Variants in TRIM2 observed in about 807,000 individuals in gnomAD.
TRIM2 encodes tripartite motif containing 2, also known as tripartite motif-containing protein 2.
TRIM2 carries 20 observed loss-of-function variants against 75.2 expected under a neutral mutation model. The ratio of observed to expected loss-of-function variants is 0.27; its 90% CI spans 0.19 to 0.39. TRIM2 has a LOEUF of 0.39. TRIM2 is among the 10% of genes least tolerant of loss of function. TRIM2 has a pLI of 1.00. For synonymous variants in TRIM2, 373 were observed against 388.3 expected, an observed-to-expected ratio of 0.96 and a Z score of 0.46; for missense variants, 660 against 990.8, an observed-to-expected ratio of 0.67 and a Z score of 4.48.
intron 1 of TRIM2, among the ~76,000 whole-genome samples, chr4:153,239,090 C>A (rs982174670): frequency 6.6e-6 from 1 of 152,138 alleles, no homozygotes; most frequent in African/African-American, 2.4e-5. Context: ...TGGTGGCTCA[C>A]GCCTGTAATC....
At chr4:153,200,736 T>A (rs1204191133), upstream of TRIM2, among the ~76,000 whole-genome samples, 47 of 146,278 alleles carry the variant, frequency 3.2e-4, no homozygotes, top group African/African-American at 1.1e-3. Context: ...TATATATATA[T>A]ATATATATAT....
At chr4:153,239,923 G>A (rs1321228994) in intron 1 of TRIM2, among the ~76,000 whole-genome samples, 1 of 150,670 alleles carries the variant, frequency 6.6e-6, no homozygotes, top group African/African-American at 2.5e-5. Context: ...CGCCTCCTGG[G>A]AGGCAGGCTC....
intron 1 of TRIM2, among the ~76,000 whole-genome samples, chr4:153,262,192 A>G (rs2149991837): frequency 6.6e-6 from 1 of 152,346 alleles, no homozygotes. Context: ...GTATTGCAAT[A>G]GAGAAAGAGT....
intron 1 of TRIM2, among the ~76,000 whole-genome samples, chr4:153,251,245 T>A (rs1750802750): frequency 6.6e-6 from 1 of 152,236 alleles, no homozygotes; most frequent in Non-Finnish European, 1.5e-5. Flanking sequence ...TCACCAGGGC[T>A]ACTGCCAGTA....
intron 1 of TRIM2, among the ~76,000 whole-genome samples, chr4:153,245,501 TG>T (rs1431139880): frequency 6.6e-6 from 1 of 152,260 alleles, no homozygotes; most frequent in Admixed American, 6.5e-5. Context: ...GGCCTGTTTT[TG>T]TACAACCAGT....
At chr4:153,328,959 T>C (rs755130636) in intron 11 of TRIM2, among the ~76,000 whole-genome samples, 2 of 152,218 alleles carry the variant, frequency 1.3e-5, no homozygotes, top group Admixed American at 6.5e-5. Flanking sequence ...ATTATATTTA[T>C]GAACCTCTGG....
chr4:153,294,072 A>C (rs1214064863), intron 4 of TRIM2, among the ~76,000 whole-genome samples: 1 of 152,198 alleles, frequency 6.6e-6, no homozygotes, highest in Non-Finnish European at 1.5e-5. Flanking sequence ...TAATTATTAA[A>C]ATTGGACAAT....
intron 3 of TRIM2, among the ~76,000 whole-genome samples, chr4:153,286,044 A>G (rs1350356828): frequency 1.3e-5 from 2 of 152,134 alleles, no homozygotes; most frequent in Non-Finnish European, 2.9e-5. Flanking sequence ...GCATGAAAAG[A>G]TATTGGATTT....
At chr4:153,255,136 A>G (rs1366866336) in intron 1 of TRIM2, among the ~76,000 whole-genome samples, 1 of 151,990 alleles carries the variant, frequency 6.6e-6, no homozygotes, top group African/African-American at 2.4e-5. Flanking sequence ...TTACTAATCC[A>G]TCTCCCACAC....
Position 153,294,291 on chromosome 4 carries a change from C to T in TRIM2, c.606-14C>T, listed in dbSNP as rs1478624769. 1 of 1,612,462 alleles carries T rather than the reference C, an allele frequency of 6.2e-7. No homozygotes were observed. The highest frequency in any genetic ancestry group is 8.5e-7 in the Non-Finnish European group (1 of 1,179,018). Reference sequence around the variant, plus strand: ...GTTGAGGTTAAATAACGACCTTTAACAACTGTCCACCAGGCTCCCAGAAAT... The same window carrying T: ...GTTGAGGTTAAATAACGACCTTTAATAACTGTCCACCAGGCTCCCAGAAAT... On this transcript the variant is annotated splice_polypyrimidine_tract_variant and intron_variant, in intron 4 of 11. Coordinates refer to ENST00000338700, the MANE Select transcript of TRIM2 (RefSeq NM_015271.5).
At chr4:153,315,161 A>G (rs945613569) in intron 6 of TRIM2, among the ~76,000 whole-genome samples, 2 of 152,252 alleles carry the variant, frequency 1.3e-5, no homozygotes, top group Non-Finnish European at 2.9e-5. Context: ...AAGCCATGTC[A>G]GATAAAGGCA....
At chr4:153,189,907 G>C (rs1015108915) in intron 1 of TRIM2, among the ~76,000 whole-genome samples, 2 of 152,220 alleles carry the variant, frequency 1.3e-5, no homozygotes, top group African/African-American at 4.8e-5. Context: ...TGTAGAGAAT[G>C]ATGGTATGAG....
chr4:153,278,169 G>A (rs896350679), intron 3 of TRIM2, among the ~76,000 whole-genome samples: 7 of 152,136 alleles, frequency 4.6e-5, no homozygotes, highest in Non-Finnish European at 7.4e-5. Context: ...GCAGTGGCAC[G>A]ATCATGGCTC....
intron 1 of TRIM2, among the ~76,000 whole-genome samples, chr4:153,250,484 T>A (rs1385840186): frequency 2.0e-5 from 3 of 152,132 alleles, no homozygotes; most frequent in Non-Finnish European, 2.9e-5. Context: ...GAAGGAATAT[T>A]AATGGGATGG....
chr4:153,172,905 A>G (rs1731029376), intron 1 of TRIM2, among the ~76,000 whole-genome samples: 1 of 152,192 alleles, frequency 6.6e-6, no homozygotes, highest in South Asian at 2.1e-4. Context: ...AAACAAGCAC[A>G]CTGCATGAAT....
chr4:153,293,072 A>C lies in TRIM2; in HGVS notation c.544A>C (p.Lys182Gln). ...EHAEHPTVPL[K>Q]DVVEQHKASL... ...CGCAGAGCACCCCACAGTTCCACTC[A>C]AGGATGTGGTGGAACAGCACAAGGC... is the stretch of plus-strand genomic sequence containing the variant. The change falls in exon 4 of 12, where the codon AAG (lysine) becomes CAG (glutamine). Residue 182 changes from lysine (K) to glutamine (Q), a missense_variant. By Grantham distance (53) the Lys-to-Gln change is moderately conservative. Coordinates refer to ENST00000338700, the MANE Select transcript of TRIM2 (RefSeq NM_015271.5). The C allele has an allele frequency of 6.2e-7, 1 of 1,613,724 alleles. No individual in the cohort carries two copies. The highest frequency in any genetic ancestry group is 8.5e-7 in the Non-Finnish European group (1 of 1,179,660).
chr4:153,329,233 A>T (rs1045704209), intron 11 of TRIM2, among the ~76,000 whole-genome samples: 6 of 152,134 alleles, frequency 3.9e-5, no homozygotes, highest in Non-Finnish European at 1.5e-5. Flanking sequence ...TTCAATAGCT[A>T]TATTTTAATA....
At chr4:153,235,634 C>T (rs1002388993) in intron 1 of TRIM2, among the ~76,000 whole-genome samples, 1 of 152,166 alleles carries the variant, frequency 6.6e-6, no homozygotes, top group African/African-American at 2.4e-5. Context: ...TAGTACCCAG[C>T]ACATACAGAG....
At position 153,222,956 on chromosome 4, in the gene TRIM2, C is replaced by T. The variant is rs1741036212; in HGVS notation, c.30+18396C>T. ...AGGGCACCTCGGCCCTGGCTGGGCGCGCAGCGAGGCCCAGGCCCGAGGGGT... is the reference window on the plus strand; with the variant it reads ...AGGGCACCTCGGCCCTGGCTGGGCGTGCAGCGAGGCCCAGGCCCGAGGGGT... On this transcript the variant is annotated intron_variant, in intron 1 of 11. Transcript: ENST00000338700. 3.3e-5 allele frequency: 5 copies of T among 152,342 alleles called. No individual in the cohort carries two copies. The South Asian group carries it at 1.0e-3, about 32-fold the overall frequency. The allele number at this position is 152,342 out of a possible 1,614,324, so 9.4% of individuals were successfully genotyped here.
Sources: allele counts gnomAD v4.1 joint callset (sites outside exome capture counted in the v4.1 genomes callset), GRCh38; gene constraint gnomAD v4.1.1; transcripts MANE v1.5; gene names NCBI Gene and HGNC (gene_info 2026-07-23, HGNC 2026-07-21).